The following XPO4 variants were observed in gnomAD, a reference collection of about 807,000 sequenced individuals.
The protein encoded by XPO4 is exportin-4.
A neutral mutation model predicts 143.0 loss-of-function variants in XPO4; 39 were observed. The observed-to-expected ratio is 0.27, with a 90% confidence interval of 0.21 to 0.36. The LOEUF is 0.36. Among genes scored for constraint, XPO4 ranks in the 10% least tolerant of loss-of-function variants. XPO4 has a pLI of 1.00. For synonymous variants in XPO4, 439 were observed against 474.0 expected (o/e 0.93, Z 0.96); for missense variants, 907 against 1,348.0 (o/e 0.67, Z 5.12).
In XPO4 at chr13:20,790,469, AGATCCTGT is replaced by A; in HGVS notation, c.2901_2908del (p.Gln968LeufsTer8). 1 of 1,612,444 alleles carries A rather than the reference AGATCCTGT, an allele frequency of 6.2e-7. No homozygotes were observed. Among genetic ancestry groups the A allele is most frequent in the Non-Finnish European group, 8.5e-7 (1 of 1,178,448 alleles). On this transcript the variant is annotated frameshift_variant, in exon 19 of 23. Coordinates refer to ENST00000255305, the MANE Select transcript of XPO4 (RefSeq NM_022459.5). LOFTEE classifies it high-confidence loss of function. Reference sequence around the variant, plus strand: ...TTCAATTTCATTAATTACCTTCAAGAGATCCTGTGACATCAAGGGCAGAATTAGGTTTA... The same window carrying A: ...TTCAATTTCATTAATTACCTTCAAGAGACATCAAGGGCAGAATTAGGTTTA...
intron 6 of XPO4, among the ~76,000 whole-genome samples, chr13:20,830,820 G>A (rs924494422): frequency 5.3e-5 from 8 of 152,040 alleles, no homozygotes; most frequent in African/African-American, 1.7e-4. Context: ...GCTTTTATAT[G>A]GGAGAAAGGC....
At chr13:20,791,747 T>C (rs144252193) in intron 18 of XPO4, among the ~76,000 whole-genome samples, 1 of 152,334 alleles carries the variant, frequency 6.6e-6, no homozygotes, top group African/African-American at 2.4e-5. Context: ...TGTCCAAAAG[T>C]AAGCATGATT....
intron 1 of XPO4, among the ~76,000 whole-genome samples, chr13:20,873,003 A>G (rs2060315103): frequency 6.6e-6 from 1 of 152,074 alleles, no homozygotes; most frequent in Non-Finnish European, 1.5e-5. Context: ...GTAAAAGCTT[A>G]AAAAGGCTTC....
At chr13:20,852,670 C>A (rs917400061) in intron 4 of XPO4, 4 of 974,258 alleles carry the variant, frequency 4.1e-6, no homozygotes, top group African/African-American at 1.8e-5. Context: ...ATATTTATGG[C>A]AACATGGAAA....
intron 2 of XPO4, among the ~76,000 whole-genome samples, chr13:20,864,383 A>G (rs932385593): frequency 2.0e-5 from 3 of 152,170 alleles, no homozygotes; most frequent in Non-Finnish European, 4.4e-5. Flanking sequence ...CTGCAATAGT[A>G]AAAATTTTAA....
chr13:20,879,550 C>G (rs188394296), intron 1 of XPO4, among the ~76,000 whole-genome samples: 168 of 152,280 alleles, frequency 1.1e-3, no homozygotes, highest in African/African-American at 3.9e-3. Flanking sequence ...TTTTCATAAA[C>G]ATTTCCAAGA....
At chr13:20,896,648 C>T (rs12865790) in intron 1 of XPO4, among the ~76,000 whole-genome samples, 8,864 of 152,042 alleles carry the variant, frequency 0.058, 654 homozygotes, top group African/African-American at 0.17. Flanking sequence ...ACTTTTTTTC[C>T]GAAATGTCAT....
At chr13:20,884,243 G>C (rs572936244) in intron 1 of XPO4, among the ~76,000 whole-genome samples, 53 of 152,144 alleles carry the variant, frequency 3.5e-4, no homozygotes, top group Non-Finnish European at 5.7e-4. Context: ...AGCTGGGCAT[G>C]ATGGCCTCCA....
chr13:20,819,344 T>C (rs1178323815), intron 9 of XPO4, among the ~76,000 whole-genome samples: 1 of 152,162 alleles, frequency 6.6e-6, no homozygotes, highest in African/African-American at 2.4e-5. Context: ...TTAATATGCC[T>C]CAATTTTTCA....
At chr13:20,815,494 TTA>T (rs2059638345) in intron 9 of XPO4, among the ~76,000 whole-genome samples, 2 of 152,182 alleles carry the variant, frequency 1.3e-5, no homozygotes, top group South Asian at 4.1e-4. Context: ...ATATTTATAT[TTA>T]TCTATATAAA....
At chr13:20,893,603 A>C (rs1292654344) in intron 1 of XPO4, among the ~76,000 whole-genome samples, 1 of 151,972 alleles carries the variant, frequency 6.6e-6, no homozygotes, top group Non-Finnish European at 1.5e-5. Context: ...TAAAAATACA[A>C]AAATTAGCCG....
rs1254587608 is a variant in XPO4, at chr13:20,780,225, AG to A, written c.*3496del. The stretch of plus-strand genomic sequence containing the variant: ...ATAACAATAATTCCTCATCAAAGAC[AG>A]CTAACTTAGTAAGGTCAATTGACAA... On this transcript the variant is annotated 3_prime_UTR_variant, in exon 23 of 23. Transcript: ENST00000255305. 1 of 152,214 alleles carries A rather than the reference AG, an allele frequency of 6.6e-6. No homozygotes were observed. The highest frequency in any genetic ancestry group is 1.5e-5 in the Non-Finnish European group (1 of 68,028). The allele number at this position is 152,214 out of a possible 1,614,324, so 9.4% of individuals were successfully genotyped here.
intron 4 of XPO4, 88 bp downstream of exon 4, chr13:20,855,539 G>T: frequency 2.5e-6 from 3 of 1,194,206 alleles, no homozygotes; most frequent in Non-Finnish European, 3.2e-6. Flanking sequence ...CTATTTTTAT[G>T]TAGATATCCA....
intron 6 of XPO4, among the ~76,000 whole-genome samples, chr13:20,835,433 T>C (rs1595112940): frequency 6.6e-6 from 1 of 152,300 alleles, no homozygotes; most frequent in East Asian, 1.9e-4. Context: ...CAGCACTTAA[T>C]AGCTAAGAAG....
At chr13:20,796,652 A>T (rs2059362290) in intron 17 of XPO4, 112 bp downstream of exon 17, 1 of 856,092 alleles carries the variant, frequency 1.2e-6, no homozygotes. Context: ...CTTTTGAAGG[A>T]ATAAAAATAT....
chr13:20,851,337 C>T (rs1379552685), intron 4 of XPO4: 10 of 985,116 alleles, frequency 1.0e-5, no homozygotes, highest in Non-Finnish European at 9.6e-6. Flanking sequence ...AAATTTCATC[C>T]TGCAATCCTG....
At chr13:20,807,130 G>A (rs978721678) in intron 13 of XPO4, among the ~76,000 whole-genome samples, 4 of 152,044 alleles carry the variant, frequency 2.6e-5, no homozygotes, top group Admixed American at 6.6e-5. Flanking sequence ...CATTTAGGGC[G>A]CCTGCATGCA....
intron 17 of XPO4, 49 bp from the exon 18 acceptor site, chr13:20,796,305 TA>T: frequency 7.4e-7 from 1 of 1,353,564 alleles, no homozygotes; most frequent in Non-Finnish European, 9.7e-7. Context: ...ACACTGACAT[TA>T]AAAAAATTTT....
chr13:20,846,046 A>T (rs1192522728), intron 4 of XPO4, among the ~76,000 whole-genome samples: 1 of 152,226 alleles, frequency 6.6e-6, no homozygotes, highest in Non-Finnish European at 1.5e-5. Flanking sequence ...CAGAATTGAC[A>T]CATAACATAA....
Sources: allele counts gnomAD v4.1 joint callset (sites outside exome capture counted in the v4.1 genomes callset), GRCh38; gene constraint gnomAD v4.1.1; transcripts MANE v1.5; gene names NCBI Gene and HGNC (gene_info 2026-07-23, HGNC 2026-07-21).